DNAH9: variants seen among roughly 807,000 people sequenced by gnomAD.
DNAH9 encodes dynein axonemal heavy chain 9.
In DNAH9, 345 loss-of-function variants were observed where a neutral mutation model predicts 471.6. The ratio of observed to expected loss-of-function variants is 0.73; its 90% CI spans 0.67 to 0.80. DNAH9 has a LOEUF of 0.80. Among genes scored for constraint, DNAH9 ranks in the 30% least tolerant of loss-of-function variants. DNAH9 has a pLI of 0.00. For synonymous variants in DNAH9, 2,093 were observed against 2,123.6 expected, an observed-to-expected ratio of 0.99 and a Z score of 0.40; for missense variants, 5,407 against 5,609.2, an observed-to-expected ratio of 0.96 and a Z score of 1.15.
At chr17:11,762,790 T>TTTTTTTTTTG (rs1967763980) in intron 35 of DNAH9, among the ~76,000 whole-genome samples, 1 of 138,644 alleles carries the variant, frequency 7.2e-6, no homozygotes, top group Admixed American at 7.6e-5. Flanking sequence ...TTTTTTTTTT[T>TTTTTTTTTTG]TTTTTTTGAG....
chr17:11,747,754 G>C lies in DNAH9; in HGVS notation c.6598G>C (p.Glu2200Gln), dbSNP rs1360739052. ...TGGCATCATCAATCCAGCCACAGGA[G>C]AATGGAAGGATGGTAAGAGTGGGAT... ...LFGIINPATG[E>Q]WKDGLFSSIM... The change falls in exon 32 of 69, where the codon GAA (glutamate) becomes CAA (glutamine). Residue 2200 changes from glutamate (E) to glutamine (Q), a missense_variant. By Grantham distance (29) the Glu-to-Gln change is conservative (BLOSUM62 2). This residue lies in a region of DNAH9 where 4,636 missense variants were observed against 4,900.3 expected (regional missense o/e 0.95). Coordinates refer to ENST00000262442, the MANE Select transcript of DNAH9 (RefSeq NM_001372.4). 1.1e-5 allele frequency: 17 copies of C among 1,613,664 alleles called. No individual in the cohort carries two copies. The highest frequency in any genetic ancestry group is 1.4e-5 in the Non-Finnish European group (17 of 1,179,626).
In DNAH9 at chr17:11,923,858, G is replaced by A. The variant is rs758176375; in HGVS notation, c.11794G>A (p.Val3932Met). 12 of 1,613,888 alleles carry A rather than the reference G, an allele frequency of 7.4e-6. No homozygotes were observed. In the South Asian group the frequency reaches 1.2e-4, roughly 16 times the overall value. ...CTTCAACAATCAGAACTTTCACAAC[G>A]TGTCTTTGGGGCAAGGACAGGAAGT... The part of the protein sequence containing the change: ...YTFNNQNFHN[V>M]SLGQGQEVVA... The change falls in exon 62 of 69, where the codon GTG becomes ATG. Residue 3932 changes from valine (V) to methionine (M), a missense_variant. Val to Met is a conservative substitution (Grantham distance 21). Transcript: ENST00000262442.
In DNAH9 at chr17:11,617,570, C is replaced by G. The variant is rs373491778; in HGVS notation, c.1064C>G (p.Pro355Arg). 1.3e-4 allele frequency: 210 copies of G among 1,614,122 alleles called. 1 individual carries two copies. The South Asian group carries it at 2.3e-3, about 17-fold the overall frequency. Residue 355 changes from proline to arginine, a missense_variant, in exon 5 of 69, where the codon CCG becomes CGG. Physicochemically the swap from Pro to Arg is moderately radical, Grantham distance 103. Coordinates refer to ENST00000262442, the MANE Select transcript of DNAH9 (RefSeq NM_001372.4). ...IWATCKSYRS[P>R]GRLTVLLQEI... ...GCCACATGCAAGTCCTACCGCTCCCCGGGAAGGCTGACTGTGCTGCTCCAG... is the reference window on the plus strand; with the variant it reads ...GCCACATGCAAGTCCTACCGCTCCCGGGGAAGGCTGACTGTGCTGCTCCAG...
At chr17:11,758,680 G>A (rs1967513126) in intron 35 of DNAH9, among the ~76,000 whole-genome samples, 1 of 152,128 alleles carries the variant, frequency 6.6e-6, no homozygotes, top group African/African-American at 2.4e-5. Context: ...TACTGCAACA[G>A]GGCTCCAGGT....
At chr17:11,882,282 C>G (rs1412602253) in intron 55 of DNAH9, among the ~76,000 whole-genome samples, 1 of 152,174 alleles carries the variant, frequency 6.6e-6, no homozygotes, top group Non-Finnish European at 1.5e-5. Flanking sequence ...ATGGCTCCAC[C>G]CTGATGACCT....
intron 38 of DNAH9, among the ~76,000 whole-genome samples, chr17:11,777,397 T>C (rs184036880): frequency 3.4e-4 from 52 of 152,350 alleles, no homozygotes; most frequent in African/African-American, 1.2e-3. Flanking sequence ...AGACTTTAAG[T>C]CTCTTCTTGT....
At chr17:11,902,958 G>C in intron 60 of DNAH9, 46 bp downstream of exon 60, 1 of 1,576,998 alleles carries the variant, frequency 6.3e-7, no homozygotes, top group Non-Finnish European at 8.6e-7. Flanking sequence ...ATGGGGCAAG[G>C]GCAACCTCAG....
chr17:11,672,479 G>A (rs578063105), intron 17 of DNAH9, among the ~76,000 whole-genome samples: 18 of 152,264 alleles, frequency 1.2e-4, no homozygotes, highest in Admixed American at 7.2e-4. Context: ...TTGCTCTTCA[G>A]TGCTGCTTCC....
chr17:11,816,465 C>G (rs763314121), intron 45 of DNAH9, among the ~76,000 whole-genome samples: 2 of 152,150 alleles, frequency 1.3e-5, no homozygotes, highest in Non-Finnish European at 2.9e-5. Context: ...TACTATTGGA[C>G]ATGTGCTTTG....
intron 50 of DNAH9, among the ~76,000 whole-genome samples, chr17:11,868,506 T>G (rs1216671850): frequency 6.6e-6 from 1 of 152,128 alleles, no homozygotes; most frequent in Non-Finnish European, 1.5e-5. Flanking sequence ...TATGTTCCTA[T>G]ACATTGTGTT....
At chr17:11,629,192 C>A (rs1247334561) in intron 6 of DNAH9, among the ~76,000 whole-genome samples, 4 of 151,692 alleles carry the variant, frequency 2.6e-5, no homozygotes, top group African/African-American at 9.7e-5. Flanking sequence ...TGGTGTCCTG[C>A]ACCCATTAAC....
intron 61 of DNAH9, among the ~76,000 whole-genome samples, chr17:11,919,438 T>G (rs542839106): frequency 7.1e-6 from 1 of 140,548 alleles, no homozygotes; most frequent in South Asian, 2.2e-4. Flanking sequence ...GAGCTTGCAG[T>G]GAGCCGAGAT....
chr17:11,942,353 C>T lies in DNAH9; in HGVS notation c.12711C>T (p.Asn4237=). The T allele has an allele frequency of 6.2e-7, 1 of 1,614,144 alleles. No homozygotes were observed. The highest frequency in any genetic ancestry group is 2.2e-5 in the East Asian group (1 of 44,880). Reference sequence around the variant, plus strand: ...TGGAGCGGGTGACAGACGAGTTTAACATCCCAGAACTGATGGCCAAAGTGG... The same window carrying T: ...TGGAGCGGGTGACAGACGAGTTTAATATCCCAGAACTGATGGCCAAAGTGG... ...EILERVTDEF[N]IPELMAKVEE... The change falls in exon 67 of 69, where the codon AAC becomes AAT. Residue 4237 remains asparagine, a synonymous_variant. Transcript: ENST00000262442.
chr17:11,690,896 C>T (rs1314115968), intron 20 of DNAH9, among the ~76,000 whole-genome samples: 2 of 152,152 alleles, frequency 1.3e-5, no homozygotes, highest in Non-Finnish European at 2.9e-5. Context: ...TACCAGCTGT[C>T]AGCTAAACAC....
At chr17:11,610,342 G>A (rs752110114) in intron 2 of DNAH9, 54 bp from the exon 3 acceptor site, 79 of 1,463,698 alleles carry the variant, frequency 5.4e-5, no homozygotes, top group African/African-American at 8.4e-5. Context: ...TTATTTTCAC[G>A]CCTCAGGGTT....
chr17:11,704,570 T>C, intron 25 of DNAH9, 128 bp downstream of exon 25: 1 of 761,158 alleles, frequency 1.3e-6, no homozygotes, highest in Non-Finnish European at 2.0e-6. Context: ...AGGATCACAG[T>C]GGCTGCTCCT....
chr17:11,941,728 A>ATAGG (rs1401259917), intron 66 of DNAH9, among the ~76,000 whole-genome samples: 1 of 149,530 alleles, frequency 6.7e-6, no homozygotes, highest in Non-Finnish European at 1.5e-5. Context: ...AGATAGATAG[A>ATAGG]TAGATAGATA....
chr17:11,798,027 T>C (rs111844214), intron 43 of DNAH9, among the ~76,000 whole-genome samples: 4 of 152,228 alleles, frequency 2.6e-5, no homozygotes, highest in African/African-American at 7.2e-5. Context: ...CGCCATTTGC[T>C]ATCCCGGGCA....
chr17:11,659,758 A>G (rs1325146482), intron 14 of DNAH9, among the ~76,000 whole-genome samples: 7 of 152,228 alleles, frequency 4.6e-5, no homozygotes, highest in Non-Finnish European at 1.0e-4. Context: ...TTTGATTACC[A>G]GTAAATAGTG....
Sources: allele counts gnomAD v4.1 joint callset (sites outside exome capture counted in the v4.1 genomes callset), GRCh38; gene constraint gnomAD v4.1.1; regional missense constraint gnomAD v4.1.1; transcripts MANE v1.5; gene names NCBI Gene and HGNC (gene_info 2026-07-23, HGNC 2026-07-21).